ZMYND8: variants seen among roughly 807,000 people sequenced by gnomAD.
ZMYND8 encodes the protein zinc finger MYND-type containing 8.
ZMYND8 carries 37 observed loss-of-function variants against 140.8 expected under a neutral mutation model. That is an observed-to-expected ratio of 0.26 (90% CI 0.20 to 0.35). The LOEUF (loss-of-function observed/expected upper bound fraction) is 0.35, where lower values mean the gene tolerates loss of function less well. Among genes scored for constraint, ZMYND8 ranks in the 10% least tolerant of loss-of-function variants. ZMYND8 has a pLI of 1.00. For synonymous variants in ZMYND8, 592 were observed against 597.1 expected (o/e 0.99, Z 0.12); for missense variants, 1,068 against 1,570.0 (o/e 0.68, Z 5.40).
At chr20:47,336,241 C>T (rs1209868356) in intron 2 of ZMYND8, among the ~76,000 whole-genome samples, 1 of 152,116 alleles carries the variant, frequency 6.6e-6, no homozygotes, top group Non-Finnish European at 1.5e-5. Flanking sequence ...TAGCAAATTG[C>T]TATAATTGTA....
chr20:47,230,991 A>C (rs2038404377), intron 16 of ZMYND8, among the ~76,000 whole-genome samples: 1 of 151,456 alleles, frequency 6.6e-6, no homozygotes, highest in South Asian at 2.1e-4. Context: ...CAGGCAGCGG[A>C]ACTTCATTCC....
intron 2 of ZMYND8, among the ~76,000 whole-genome samples, chr20:47,312,114 G>C (rs1427951392): frequency 1.3e-5 from 2 of 152,172 alleles, no homozygotes; most frequent in African/African-American, 2.4e-5. Context: ...AATCTGCGAA[G>C]ATGTCAATTA....
chr20:47,347,309 T>G (rs1327917291), intron 2 of ZMYND8, among the ~76,000 whole-genome samples: 3 of 151,952 alleles, frequency 2.0e-5, no homozygotes, highest in Non-Finnish European at 2.9e-5. Context: ...TATTCAGGAG[T>G]CTACTCCAGG....
intron 2 of ZMYND8, among the ~76,000 whole-genome samples, chr20:47,316,986 A>C (rs2079455442): frequency 6.6e-6 from 1 of 152,076 alleles, no homozygotes; most frequent in African/African-American, 2.4e-5. Context: ...TGGGATTTCA[A>C]CCCAGGCAGT....
chr20:47,210,198 A>G lies in ZMYND8; in HGVS notation c.*563T>C, dbSNP rs1409253837. 6.5e-6 allele frequency: 1 copy of G among 153,002 alleles called. No homozygotes were observed. The highest frequency in any genetic ancestry group is 6.5e-5 in the Admixed American group (1 of 15,314). The allele number at this position is 153,002 out of a possible 1,614,324, so 9.5% of individuals were successfully genotyped here. ...GTAGCTGAAAGGAGCCAACGGCTTGATGGGATAGTCTGTGCCGAAACTCCC... is the reference window on the plus strand; with the variant it reads ...GTAGCTGAAAGGAGCCAACGGCTTGGTGGGATAGTCTGTGCCGAAACTCCC... On this transcript the variant is annotated 3_prime_UTR_variant, in exon 23 of 23. Coordinates refer to ENST00000471951, the MANE Select transcript of ZMYND8 (RefSeq NM_001281775.3).
chr20:47,317,360 C>A (rs952968650), intron 2 of ZMYND8, among the ~76,000 whole-genome samples: 1 of 152,152 alleles, frequency 6.6e-6, no homozygotes, highest in Non-Finnish European at 1.5e-5. Context: ...TCCATCAAGG[C>A]TAGGCCTCCC....
At chr20:47,329,925 T>C (rs1421891905) in intron 2 of ZMYND8, among the ~76,000 whole-genome samples, 1 of 152,210 alleles carries the variant, frequency 6.6e-6, no homozygotes, top group African/African-American at 2.4e-5. Context: ...ACTCCTTTAG[T>C]CTAGCCTGGC....
intron 12 of ZMYND8, among the ~76,000 whole-genome samples, chr20:47,261,849 A>T (rs1296885999): frequency 1.3e-5 from 2 of 152,028 alleles, no homozygotes; most frequent in Non-Finnish European, 2.9e-5. Flanking sequence ...AGGTGGGTGG[A>T]TCACCTGAGG....
chr20:47,323,426 C>T (rs1405191419), intron 2 of ZMYND8, among the ~76,000 whole-genome samples: 7 of 151,706 alleles, frequency 4.6e-5, no homozygotes, highest in Non-Finnish European at 1.0e-4. Flanking sequence ...TTTTTCGTAG[C>T]GATGGGATCT....
At position 47,291,794 on chromosome 20, in the gene ZMYND8, A is replaced by G. The variant is rs112023278; in HGVS notation, c.660+2T>C. 1 of 1,609,206 alleles carries G rather than the reference A, an allele frequency of 6.2e-7. No homozygotes were observed. Among genetic ancestry groups the G allele is most frequent in the Non-Finnish European group, 8.5e-7 (1 of 1,177,618 alleles). ...TGGTGAGGTTCTTTGACGGAGGCCA[A>G]CCTTTTCCAATGTACAAAGGTCCAT... On this transcript the variant is annotated splice_donor_variant, in intron 6 of 22. Transcript: ENST00000471951. LOFTEE classifies it high-confidence loss of function.
intron 2 of ZMYND8, among the ~76,000 whole-genome samples, chr20:47,340,863 A>G (rs1170692482): frequency 6.6e-6 from 1 of 152,092 alleles, no homozygotes; most frequent in Non-Finnish European, 1.5e-5. Flanking sequence ...ATAAGAAAAT[A>G]CAAAGTGAGG....
At chr20:47,229,266 A>C (rs1294536075) in intron 17 of ZMYND8, among the ~76,000 whole-genome samples, 2 of 151,920 alleles carry the variant, frequency 1.3e-5, no homozygotes, top group African/African-American at 4.8e-5. Flanking sequence ...CAACTTCCCA[A>C]AGCGCTGCGA....
chr20:47,245,057 GC>G (rs980561851), intron 14 of ZMYND8, among the ~76,000 whole-genome samples: 2 of 151,660 alleles, frequency 1.3e-5, no homozygotes, highest in African/African-American at 2.4e-5. Flanking sequence ...AATTCTGTCC[GC>G]CCCCCCTCCC....
chr20:47,341,992 G>A (rs957464621), intron 2 of ZMYND8, among the ~76,000 whole-genome samples: 1 of 151,152 alleles, frequency 6.6e-6, no homozygotes, highest in African/African-American at 2.4e-5. Context: ...GACAGGGCGT[G>A]ACTCCGTCTC....
chr20:47,273,012 CAG>C (rs2076050934), intron 11 of ZMYND8, among the ~76,000 whole-genome samples: 1 of 152,164 alleles, frequency 6.6e-6, no homozygotes, highest in Admixed American at 6.6e-5. Context: ...AGAAAGGAAA[CAG>C]GTATGGATGC....
chr20:47,303,896 G>A (rs1410553110), intron 3 of ZMYND8, among the ~76,000 whole-genome samples: 2 of 152,182 alleles, frequency 1.3e-5, no homozygotes, highest in Non-Finnish European at 2.9e-5. Flanking sequence ...TGGCTGCTCT[G>A]TACTCTTTTC....
intron 10 of ZMYND8, among the ~76,000 whole-genome samples, chr20:47,279,981 G>A (rs2076503720): frequency 6.6e-6 from 1 of 151,998 alleles, no homozygotes; most frequent in African/African-American, 2.4e-5. Context: ...AAAATTAGTT[G>A]GGCGTAGTGG....
intron 21 of ZMYND8, among the ~76,000 whole-genome samples, chr20:47,218,271 T>C (rs2036414736): frequency 6.6e-6 from 1 of 152,178 alleles, no homozygotes; most frequent in African/African-American, 2.4e-5. Flanking sequence ...TACCACGGCA[T>C]CATTCATCTT....
intron 11 of ZMYND8, among the ~76,000 whole-genome samples, chr20:47,265,013 G>A (rs1226558884): frequency 7.0e-6 from 1 of 142,708 alleles, no homozygotes; most frequent in African/African-American, 2.5e-5. Context: ...CTCCAGCCTG[G>A]GACACAGAGA....
Sources: gnomAD v4.1 joint callset for allele counts (sites outside exome capture counted in the v4.1 genomes callset) on GRCh38, gnomAD v4.1.1 for gene constraint, MANE v1.5 for transcripts, NCBI Gene and HGNC (gene_info 2026-07-23, HGNC 2026-07-21) for gene names.